Variants in BICDL1 observed in about 807,000 individuals in gnomAD.
The protein encoded by BICDL1 is BICD family like cargo adaptor 1, also known as BICD family-like cargo adapter 1.
In BICDL1, 20 loss-of-function variants were observed where a neutral mutation model predicts 76.8. The observed-to-expected ratio is 0.26, with a 90% CI of 0.18 to 0.38. The LOEUF is 0.38. BICDL1 is among the 10% of genes least tolerant of loss of function. The pLI, the probability that BICDL1 is intolerant of heterozygous loss-of-function variation, is 1.00. For synonymous variants in BICDL1, 383 were observed against 337.1 expected, an observed-to-expected ratio of 1.14 and a Z score of -1.49; for missense variants, 700 against 798.6, an observed-to-expected ratio of 0.88 and a Z score of 1.49.
Position 120,089,987 on chromosome 12 carries a change from G to A in BICDL1, c.1620G>A (p.Arg540=), listed in dbSNP as rs2286041. 45,716 of 1,614,108 alleles carry A rather than the reference G, an allele frequency of 0.028. 1,454 individuals are homozygous for A. The highest frequency in any genetic ancestry group is 0.15 in the African/African-American group (11,139 of 74,988). ...TGGAGCTGGAACTTGCCAAGTGCAG[G>A]ATGGATATGATGTCTCTGAACAGCC... ...NAVELELAKC[R]MDMMSLNSQL... Residue 540 remains arginine (R), a synonymous_variant, in exon 9 of 10, where the codon AGG becomes AGA. Coordinates refer to ENST00000548673, the MANE Select transcript of BICDL1 (RefSeq NM_001367886.1).
At chr12:120,023,856 T>TA (rs1361350173) in intron 2 of BICDL1, among the ~76,000 whole-genome samples, 1 of 150,720 alleles carries the variant, frequency 6.6e-6, no homozygotes, top group Non-Finnish European at 1.5e-5. Flanking sequence ...TGGTCTGTAA[T>TA]AAAGAGAATA....
chr12:120,068,063 C>T (rs1195991487), intron 4 of BICDL1, among the ~76,000 whole-genome samples: 3 of 152,182 alleles, frequency 2.0e-5, no homozygotes, highest in South Asian at 2.1e-4. Context: ...GAAGTACTGA[C>T]GGTGAAGGTG....
At chr12:120,055,848 A>G (rs1952960568) in intron 2 of BICDL1, among the ~76,000 whole-genome samples, 1 of 152,238 alleles carries the variant, frequency 6.6e-6, no homozygotes, top group South Asian at 2.1e-4. Context: ...AATTGATGCA[A>G]CCTTTTTAGA....
chr12:120,054,694 T>C, intron 2 of BICDL1, among the ~76,000 whole-genome samples: 1 of 152,000 alleles, frequency 6.6e-6, no homozygotes, highest in Non-Finnish European at 1.5e-5. Flanking sequence ...CTGGCCAACA[T>C]GAAGGAATTC....
At chr12:120,017,731 G>GAA (rs111595033) in intron 2 of BICDL1, among the ~76,000 whole-genome samples, 12 of 146,538 alleles carry the variant, frequency 8.2e-5, no homozygotes, top group Middle Eastern at 3.5e-3. Context: ...GACCCTGCCT[G>GAA]AAAAAAAAAA....
At chr12:120,064,003 T>G (rs1403907166) in intron 3 of BICDL1, among the ~76,000 whole-genome samples, 1 of 152,238 alleles carries the variant, frequency 6.6e-6, no homozygotes, top group African/African-American at 2.4e-5. Flanking sequence ...ATGTGGAGAC[T>G]GACTAGGTAT....
chr12:119,997,167 C>T (rs1033919387), intron 1 of BICDL1, among the ~76,000 whole-genome samples: 2 of 152,132 alleles, frequency 1.3e-5, no homozygotes, highest in Non-Finnish European at 2.9e-5. Context: ...AGGATGGTCT[C>T]GATCTCCTGA....
At position 120,016,945 on chromosome 12, in the gene BICDL1, T is replaced by C. The variant is rs187026522; in HGVS notation, c.645+18209T>C. 3.9e-5 allele frequency among the ~76,000 whole-genome samples: 6 copies of C among 152,302 alleles called. No individual in the cohort carries two copies. In the East Asian group the frequency reaches 1.2e-3, roughly 29 times the overall value. On this transcript the variant is annotated intron_variant, in intron 2 of 9. Coordinates refer to ENST00000548673, the MANE Select transcript of BICDL1 (RefSeq NM_001367886.1). ...TCTCGCTCTCTCTCCCAGTCTGGAG[T>C]GCAGTGGCACGATCTCGGCTCACTG...
intron 2 of BICDL1, among the ~76,000 whole-genome samples, chr12:120,025,584 C>T (rs1349316653): frequency 6.6e-6 from 1 of 152,186 alleles, no homozygotes; most frequent in Non-Finnish European, 1.5e-5. Flanking sequence ...TTCCCACTGG[C>T]ACTCAGACTC....
intron 8 of BICDL1, among the ~76,000 whole-genome samples, chr12:120,081,248 T>C (rs1873958114): frequency 6.7e-6 from 1 of 149,418 alleles, no homozygotes; most frequent in South Asian, 2.2e-4. Flanking sequence ...CTTATGCATA[T>C]GTAGGTGTGT....
intron 2 of BICDL1, among the ~76,000 whole-genome samples, chr12:120,058,396 C>T (rs1026846930): frequency 1.3e-5 from 2 of 152,150 alleles, no homozygotes; most frequent in African/African-American, 4.8e-5. Context: ...CGGTGCATCT[C>T]TGCGGCTTCG....
chr12:120,083,663 A>G (rs1433248271), intron 8 of BICDL1, among the ~76,000 whole-genome samples: 1 of 150,766 alleles, frequency 6.6e-6, no homozygotes, highest in Middle Eastern at 3.2e-3. Context: ...TTATTTATTT[A>G]TTTATTTATT....
intron 2 of BICDL1, among the ~76,000 whole-genome samples, chr12:120,034,509 T>G (rs185172185): frequency 6.6e-4 from 101 of 152,330 alleles, no homozygotes; most frequent in African/African-American, 2.2e-3. Context: ...TGACCCGTTT[T>G]GGGATGTAAG....
chr12:120,011,972 C>T (rs547863539), intron 2 of BICDL1, among the ~76,000 whole-genome samples: 26 of 152,278 alleles, frequency 1.7e-4, no homozygotes, highest in Non-Finnish European at 3.5e-4. Flanking sequence ...ATGATTCCTT[C>T]GCTCTCTAAA....
chr12:120,074,015 G>A (rs535375026), intron 6 of BICDL1, among the ~76,000 whole-genome samples: 455 of 152,276 alleles, frequency 3.0e-3, no homozygotes, highest in Middle Eastern at 0.017. Context: ...TGCCTCCCGG[G>A]TTCACGCCAT....
intron 4 of BICDL1, among the ~76,000 whole-genome samples, chr12:120,065,876 C>T (rs1953209702): frequency 6.6e-6 from 1 of 152,194 alleles, no homozygotes; most frequent in South Asian, 2.1e-4. Flanking sequence ...GCTAAGCTGA[C>T]ACCTGAGTGA....
At chr12:120,042,015 A>G (rs970824607) in intron 2 of BICDL1, among the ~76,000 whole-genome samples, 1 of 151,984 alleles carries the variant, frequency 6.6e-6, no homozygotes, top group Non-Finnish European at 1.5e-5. Context: ...TGCTGCAGAG[A>G]GTAGGCTGTA....
chr12:120,017,909 T>G (rs1469326248), intron 2 of BICDL1, among the ~76,000 whole-genome samples: 1 of 152,200 alleles, frequency 6.6e-6, no homozygotes, highest in Non-Finnish European at 1.5e-5. Flanking sequence ...TCACAAACTT[T>G]TTTGAAATGG....
chr12:120,004,808 G>A (rs1285369832), intron 2 of BICDL1, among the ~76,000 whole-genome samples: 1 of 152,062 alleles, frequency 6.6e-6, no homozygotes. Context: ...CTAAGTTTAA[G>A]TTTTATAGAT....
Sources: gnomAD v4.1 joint callset for allele counts (sites outside exome capture counted in the v4.1 genomes callset) on GRCh38, gnomAD v4.1.1 for gene constraint, MANE v1.5 for transcripts, NCBI Gene and HGNC (gene_info 2026-07-23, HGNC 2026-07-21) for gene names.